KIAA0586: variants seen among roughly 807,000 people sequenced by gnomAD.
KIAA0586 encodes the protein KIAA0586.
KIAA0586 carries 144 observed loss-of-function variants against 169.8 expected under a neutral mutation model. That is an observed-to-expected ratio of 0.85 (90% CI 0.74 to 0.97). The LOEUF (loss-of-function observed/expected upper bound fraction) is 0.97, where lower values mean the gene tolerates loss of function less well. Ranked by LOEUF, KIAA0586 falls within the 50% of genes least tolerant of loss-of-function variation. The probability of loss-of-function intolerance (pLI) is 0.00; values close to 1 mark genes in which losing one functional copy is unlikely to be tolerated. For synonymous variants in KIAA0586, 625 were observed against 612.4 expected (o/e 1.02, Z -0.30); for missense variants, 1,854 against 1,823.0 (o/e 1.02, Z -0.31).
intron 27 of KIAA0586, among the ~76,000 whole-genome samples, chr14:58,501,573 A>G (rs2043575587): frequency 6.7e-6 from 1 of 150,196 alleles, no homozygotes; most frequent in South Asian, 2.1e-4. Flanking sequence ...GATTACCTAT[A>G]GTACAGTGCA....
the KIAA0586 span, among the ~76,000 whole-genome samples, chr14:58,558,158 G>A: frequency 1.2e-4 from 18 of 151,986 alleles, no homozygotes; most frequent in Admixed American, 9.8e-4. Context: ...TGACCCGCCC[G>A]CCTTGGCCTC....
In KIAA0586 at chr14:58,472,266, T is replaced by A. The variant is rs2041278261; in HGVS notation, c.2621T>A (p.Ile874Asn). The change falls in exon 18 of 31, where the codon ATC (isoleucine) becomes AAC (asparagine). Residue 874 changes from isoleucine to asparagine, a missense_variant. Transcript: ENST00000652326. ...KFPGTNFDEI[I>N]DVIQEEEKCD... ...CCAGGAACTAACTTTGATGAAATAA[T>A]CGATGTCATACAGGTAACAAAGCTT... 1 of 1,564,154 alleles carries A rather than the reference T, an allele frequency of 6.4e-7. No homozygotes were observed. Among genetic ancestry groups the A allele is most frequent in the Non-Finnish European group, 8.7e-7 (1 of 1,152,100 alleles).
At position 58,448,552 on chromosome 14, in the gene KIAA0586, A is replaced by G. The variant is rs374880984; in HGVS notation, c.961+59A>G. ...GTCAGCTGTGAATTTTCTTTGTGCT[A>G]CATAAGCTGAAAACATATTTCCTGA... On this transcript the variant is annotated intron_variant, in intron 7 of 30. Coordinates refer to ENST00000652326, the MANE Select transcript of KIAA0586 (RefSeq NM_001329943.3). 8.0e-6 allele frequency: 10 copies of G among 1,252,008 alleles called. 2 individuals are homozygous for G. The highest frequency in any genetic ancestry group is 2.4e-5 in the East Asian group (1 of 41,346). 77.6% of individuals were successfully genotyped at this position (1,252,008 alleles called of 1,614,324 possible).
At chr14:58,534,838 A>G (rs527666411) in intron 29 of KIAA0586, among the ~76,000 whole-genome samples, 5 of 152,346 alleles carry the variant, frequency 3.3e-5, no homozygotes, top group African/African-American at 1.2e-4. Context: ...AAACTGCCCT[A>G]TTGGTTTCTT....
At position 58,472,282 on chromosome 14, in the gene KIAA0586, A is replaced by G. The variant is rs1198573703; in HGVS notation, c.2634+3A>G. The G allele has an allele frequency of 2.6e-6, 4 of 1,511,232 alleles. No individual in the cohort carries two copies. Among genetic ancestry groups the G allele is most frequent in the Non-Finnish European group, 3.6e-6 (4 of 1,121,178 alleles). 93.6% of individuals were successfully genotyped at this position (1,511,232 alleles called of 1,614,324 possible). ...ATGAAATAATCGATGTCATACAGGT[A>G]ACAAAGCTTAGAAACCATGAGAAAT... On this transcript the variant is annotated splice_donor_region_variant and intron_variant, in intron 18 of 30. Transcript: ENST00000652326.
intron 27 of KIAA0586, among the ~76,000 whole-genome samples, chr14:58,501,726 T>G (rs2043586686): frequency 2.0e-5 from 3 of 152,232 alleles, no homozygotes; most frequent in Admixed American, 2.0e-4. Flanking sequence ...GGGTTTGAAT[T>G]CCAGCTCTAT....
chr14:58,525,505 C>A (rs533006904), intron 29 of KIAA0586, among the ~76,000 whole-genome samples: 5 of 152,082 alleles, frequency 3.3e-5, no homozygotes, highest in Non-Finnish European at 7.4e-5. Flanking sequence ...GGGACTGTGC[C>A]GTGAGAAACG....
At chr14:58,494,122 A>AT (rs200513293) in intron 26 of KIAA0586, among the ~76,000 whole-genome samples, 1 of 139,814 alleles carries the variant, frequency 7.2e-6, no homozygotes, top group Non-Finnish European at 1.6e-5. Flanking sequence ...TCTTCCTTTC[A>AT]TTTTTCCCCC....
chr14:58,515,701 C>G (rs763924851), intron 29 of KIAA0586, among the ~76,000 whole-genome samples: 17 of 152,052 alleles, frequency 1.1e-4, no homozygotes, highest in Non-Finnish European at 2.2e-4. Context: ...GGGGCACAGA[C>G]TAATAAGTGT....
At chr14:58,503,671 T>G (rs1279198617) in intron 27 of KIAA0586, among the ~76,000 whole-genome samples, 1 of 152,100 alleles carries the variant, frequency 6.6e-6, no homozygotes, top group Non-Finnish European at 1.5e-5. Context: ...TCAATTGTAG[T>G]TGAAGGGATT....
At chr14:58,531,697 G>T (rs1444440897) in intron 29 of KIAA0586, among the ~76,000 whole-genome samples, 1 of 152,130 alleles carries the variant, frequency 6.6e-6, no homozygotes, top group East Asian at 1.9e-4. Context: ...ATACCCAAAG[G>T]ATTATAAATC....
rs771775437 is a variant in KIAA0586, at chr14:58,432,778, C to T, written c.410+321C>T. Among the ~76,000 whole-genome samples, 47 of 152,260 alleles carry T rather than the reference C, an allele frequency of 3.1e-4. 1 individual carries two copies. Among genetic ancestry groups the T allele is most frequent in the Middle Eastern group, 3.4e-3 (1 of 294 alleles). ...CGTCGCCCAGGCTGGAGTGCAGTGGCACAATCTCGGCTCACTGCAACCTCT... is the reference window on the plus strand; with the variant it reads ...CGTCGCCCAGGCTGGAGTGCAGTGGTACAATCTCGGCTCACTGCAACCTCT... On this transcript the variant is annotated intron_variant, in intron 4 of 30. Transcript: ENST00000652326.
intron 19 of KIAA0586, among the ~76,000 whole-genome samples, chr14:58,475,226 A>T (rs1197021776): frequency 6.6e-6 from 1 of 152,126 alleles, no homozygotes; most frequent in African/African-American, 2.4e-5. Flanking sequence ...CCTGAGCTCC[A>T]CCTCCTGTCA....
At chr14:58,507,125 G>A (rs1260467177) in intron 27 of KIAA0586, among the ~76,000 whole-genome samples, 1 of 149,096 alleles carries the variant, frequency 6.7e-6, no homozygotes, top group Non-Finnish European at 1.5e-5. Context: ...TCCAGCCTGG[G>A]CAACAGGAGT....
chr14:58,524,593 C>A (rs537614921), intron 29 of KIAA0586, among the ~76,000 whole-genome samples: 15 of 152,298 alleles, frequency 9.8e-5, no homozygotes, highest in African/African-American at 3.4e-4. Flanking sequence ...ATTAGAGGCA[C>A]TTTGGAGACA....
intron 29 of KIAA0586, among the ~76,000 whole-genome samples, chr14:58,525,312 A>G (rs1334929044): frequency 6.6e-6 from 1 of 152,014 alleles, no homozygotes; most frequent in Non-Finnish European, 1.5e-5. Flanking sequence ...GCTCCCAGCG[A>G]GATCAATGCA....
chr14:58,542,138 CA>C (rs1430041764), intron 30 of KIAA0586, among the ~76,000 whole-genome samples: 3 of 152,000 alleles, frequency 2.0e-5, no homozygotes, highest in African/African-American at 7.3e-5. Context: ...AGTTCTCTTA[CA>C]AAGTTCTAAA....
At position 58,477,162 on chromosome 14, in the gene KIAA0586, C is replaced by A; in HGVS notation, c.2865C>A (p.Leu955=). 2 of 1,581,088 alleles carry A rather than the reference C, an allele frequency of 1.3e-6. No individual in the cohort carries two copies. The highest frequency in any genetic ancestry group is 1.2e-5 in the South Asian group (1 of 86,236). ...QEIMSRIISG[L]FPVQQQIAPS... is the part of the protein sequence containing the mutation. ...TAATGTCAAGAATTATCTCTGGGCT[C>A]TTTCCAGTCCAGCAACAGATTGCAC... The change falls in exon 20 of 31, where the codon CTC becomes CTA. Residue 955 remains leucine, a synonymous_variant. Coordinates refer to ENST00000652326, the MANE Select transcript of KIAA0586 (RefSeq NM_001329943.3).
chr14:58,508,663 A>G lies in KIAA0586; in HGVS notation c.4277A>G (p.Gln1426Arg). The G allele has an allele frequency of 1.3e-6, 2 of 1,594,450 alleles. No individual in the cohort carries two copies. Among genetic ancestry groups the G allele is most frequent in the Non-Finnish European group, 1.7e-6 (2 of 1,169,702 alleles). ...CTTCCCACAACACTTCTGACAGCAC[A>G]AGAAAATGATGTTAATTTACCAGTA... ...LVLPTTLLTAQENDVNLPVAA... is the reference protein window; with the variant it reads ...LVLPTTLLTARENDVNLPVAA... The change falls in exon 28 of 31, where the codon CAA becomes CGA. Residue 1426 changes from glutamine (Q) to arginine (R), a missense_variant. Gln to Arg is a conservative substitution (Grantham distance 43). Coordinates refer to ENST00000652326, the MANE Select transcript of KIAA0586 (RefSeq NM_001329943.3).
Sources: gnomAD v4.1 joint callset for allele counts (sites outside exome capture counted in the v4.1 genomes callset) on GRCh38, gnomAD v4.1.1 for gene constraint, MANE v1.5 for transcripts, NCBI Gene and HGNC (gene_info 2026-07-23, HGNC 2026-07-21) for gene names.